DCC: variants seen among roughly 807,000 people sequenced by gnomAD.
The protein encoded by DCC is DCC netrin 1 receptor.
Under a neutral mutation model 172.5 loss-of-function variants are expected in DCC, and 58 were observed. That is an observed-to-expected ratio of 0.34 (90% confidence interval 0.27 to 0.42). DCC has a LOEUF of 0.42. Ranked by LOEUF, DCC falls within the 10% of genes least tolerant of loss-of-function variation. The probability of loss-of-function intolerance (pLI) is 1.00; values close to 1 mark genes in which losing one functional copy is unlikely to be tolerated. For missense variants in DCC, 1,740 were observed against 1,791.0 expected (o/e 0.97, Z 0.51); for synonymous variants, 709 against 644.5 (o/e 1.10, Z -1.52).
chr18:52,776,292 G>C (rs73463755), intron 2 of DCC, among the ~76,000 whole-genome samples: 3,430 of 136,756 alleles, frequency 0.025, 125 homozygotes, highest in African/African-American at 0.086. Flanking sequence ...TCCAAAAGAA[G>C]AACAAAAATG....
chr18:52,498,255 T>C (rs2030878724), intron 1 of DCC, among the ~76,000 whole-genome samples: 2 of 152,134 alleles, frequency 1.3e-5, no homozygotes, highest in South Asian at 2.1e-4. Flanking sequence ...CCTTGACCTT[T>C]CTTGGGTTGC....
chr18:52,923,895 T>C (rs1449728619), intron 4 of DCC, 38 bp downstream of exon 4: 1 of 1,453,680 alleles, frequency 6.9e-7, no homozygotes, highest in Non-Finnish European at 9.7e-7. Flanking sequence ...AAGTGTACTT[T>C]TGTATGGTAT....
chr18:52,548,947 C>T (rs1238226815), intron 1 of DCC, among the ~76,000 whole-genome samples: 1 of 152,090 alleles, frequency 6.6e-6, no homozygotes, highest in Admixed American at 6.6e-5. Flanking sequence ...TTTGACTATA[C>T]TTGGATCTAA....
At chr18:52,704,613 G>A (rs2036176177) in intron 1 of DCC, among the ~76,000 whole-genome samples, 1 of 152,148 alleles carries the variant, frequency 6.6e-6, no homozygotes, top group South Asian at 2.1e-4. Flanking sequence ...AATTGCAAAT[G>A]AAATAAATGA....
intron 5 of DCC, among the ~76,000 whole-genome samples, chr18:53,050,189 T>C (rs1399571217): frequency 6.6e-6 from 1 of 151,926 alleles, no homozygotes; most frequent in Admixed American, 6.6e-5. Flanking sequence ...GGCAGCAGAG[T>C]GGATGGTGCC....
chr18:53,079,086 T>G (rs745478445), intron 7 of DCC, among the ~76,000 whole-genome samples: 25 of 152,090 alleles, frequency 1.6e-4, no homozygotes, highest in Non-Finnish European at 2.9e-4. Flanking sequence ...CTTTAAGTGA[T>G]TTTCTCCTAA....
chr18:52,645,239 T>C (rs1256616592), intron 1 of DCC, among the ~76,000 whole-genome samples: 2 of 152,222 alleles, frequency 1.3e-5, no homozygotes, highest in Non-Finnish European at 2.9e-5. Flanking sequence ...TCATCGCAGC[T>C]AGTAAGACTG....
intron 9 of DCC, among the ~76,000 whole-genome samples, chr18:53,181,759 T>A (rs2055201072): frequency 6.6e-6 from 1 of 152,066 alleles, no homozygotes; most frequent in Admixed American, 6.6e-5. Flanking sequence ...TCTCAGCAGA[T>A]TTGGGGGGAA....
At chr18:53,355,361 G>A (rs1169810980) in intron 15 of DCC, among the ~76,000 whole-genome samples, 2 of 151,982 alleles carry the variant, frequency 1.3e-5, no homozygotes, top group African/African-American at 4.8e-5. Flanking sequence ...AAATTACCTT[G>A]GGCAGTATGA....
chr18:52,517,117 A>G (rs2031667451), intron 1 of DCC, among the ~76,000 whole-genome samples: 2 of 152,216 alleles, frequency 1.3e-5, no homozygotes, highest in South Asian at 4.1e-4. Flanking sequence ...CATGTGGACC[A>G]TAAGTGACAC....
At chr18:52,854,578 C>G (rs181952773) in intron 2 of DCC, among the ~76,000 whole-genome samples, 25 of 152,290 alleles carry the variant, frequency 1.6e-4, no homozygotes, top group East Asian at 5.8e-4. Flanking sequence ...AACCAGGCAT[C>G]CTTCATCTAA....
At chr18:53,261,993 T>C (rs1056330816) in intron 12 of DCC, among the ~76,000 whole-genome samples, 1 of 152,160 alleles carries the variant, frequency 6.6e-6, no homozygotes, top group African/African-American at 2.4e-5. Context: ...TGAGAGAAGA[T>C]GGTGGATTTC....
intron 2 of DCC, among the ~76,000 whole-genome samples, chr18:52,795,150 A>C (rs960876842): frequency 2.0e-5 from 3 of 152,164 alleles, no homozygotes; most frequent in Admixed American, 2.0e-4. Flanking sequence ...TTGTAGAATG[A>C]GTTAGGAATA....
At position 53,034,067 on chromosome 18, in the gene DCC, T is replaced by G. The variant is rs558472077; in HGVS notation, c.986-29238T>G. On this transcript the variant is annotated intron_variant, in intron 5 of 28. Coordinates refer to ENST00000442544, the MANE Select transcript of DCC (RefSeq NM_005215.4). ...TGTTGGATTTTTCCCACCTCTTAGT[T>G]CTCACTTCTCTTCTCTCTTTTTGAG... 9.2e-5 allele frequency among the ~76,000 whole-genome samples: 14 copies of G among 152,154 alleles called. No homozygotes were observed. In the East Asian group the frequency reaches 2.3e-3, roughly 25 times the overall value.
intron 2 of DCC, among the ~76,000 whole-genome samples, chr18:52,821,540 C>A (rs562116580): frequency 6.6e-6 from 1 of 152,040 alleles, no homozygotes; most frequent in Non-Finnish European, 1.5e-5. Context: ...TCATTCATTC[C>A]GGCTTTAGCC....
intron 2 of DCC, among the ~76,000 whole-genome samples, chr18:52,891,487 A>G (rs182125208): frequency 3.3e-5 from 5 of 152,254 alleles, no homozygotes; most frequent in Non-Finnish European, 7.4e-5. Context: ...TATAAATGAT[A>G]GAAACCTTGG....
chr18:53,348,019 C>G (rs1049723304), intron 15 of DCC, among the ~76,000 whole-genome samples: 1 of 152,074 alleles, frequency 6.6e-6, no homozygotes, highest in African/African-American at 2.4e-5. Context: ...TGGCCCCTCC[C>G]AAATCATATG....
chr18:52,608,869 A>G (rs2034191243), intron 1 of DCC, among the ~76,000 whole-genome samples: 1 of 152,174 alleles, frequency 6.6e-6, no homozygotes, highest in Non-Finnish European at 1.5e-5. Context: ...ATCTGCCCTG[A>G]GATATGTGCA....
At chr18:52,729,166 T>C (rs906226555) in intron 1 of DCC, among the ~76,000 whole-genome samples, 5 of 152,210 alleles carry the variant, frequency 3.3e-5, no homozygotes, top group Non-Finnish European at 2.9e-5. Flanking sequence ...TGTTTTATTG[T>C]TGTTGTTTGT....
Sources: allele counts gnomAD v4.1 joint callset (sites outside exome capture counted in the v4.1 genomes callset), GRCh38; gene constraint gnomAD v4.1.1; transcripts MANE v1.5; gene names NCBI Gene and HGNC (gene_info 2026-07-23, HGNC 2026-07-21).